Variants in NTRK1 observed in about 807,000 individuals in gnomAD.
NTRK1 encodes the protein high affinity nerve growth factor receptor.
NTRK1 carries 62 observed loss-of-function variants against 86.8 expected under a neutral mutation model. That is an observed-to-expected ratio of 0.71 (90% CI 0.58 to 0.88). The LOEUF (loss-of-function observed/expected upper bound fraction) is 0.88. Ranked by LOEUF, NTRK1 falls within the 40% of genes least tolerant of loss-of-function variation. The pLI, the probability that NTRK1 is intolerant of heterozygous loss-of-function variation, is 0.00. For missense variants in NTRK1, 967 were observed against 1,078.4 expected, an observed-to-expected ratio of 0.90 and a Z score of 1.45; for synonymous variants, 469 against 456.6, an observed-to-expected ratio of 1.03 and a Z score of -0.35.
rs550996068 is a variant in NTRK1, at chr1:156,845,716, G to A, written c.50+3523G>A. On this transcript the variant is annotated intron_variant, in intron 2 of 16. Coordinates refer to the NTRK1 transcript ENST00000392302. Reference sequence around the variant, plus strand: ...GGGGGCAGAACCTGACCAGGAGGTGGGTGCTGGCAAGGGCAGCAGTCGGAC... The same window carrying A: ...GGGGGCAGAACCTGACCAGGAGGTGAGTGCTGGCAAGGGCAGCAGTCGGAC... 8.1e-6 allele frequency: 13 copies of A among 1,613,650 alleles called. No homozygotes were observed. The Admixed American group carries it at 1.3e-4, about 17-fold the overall frequency.
intron 1 of NTRK1, among the ~76,000 whole-genome samples, chr1:156,838,910 T>C (rs905102613): frequency 2.6e-5 from 4 of 152,248 alleles, no homozygotes; most frequent in African/African-American, 9.6e-5. Context: ...CAGGCATGCC[T>C]GTGTGCTCTG....
chr1:156,878,971 T>G, intron 14 of NTRK1, 151 bp from the exon 15 acceptor site: 1 of 884,074 alleles, frequency 1.1e-6, no homozygotes, highest in Non-Finnish European at 1.7e-6. Context: ...ATCCCACCCC[T>G]CTGGACAGCT....
chr1:156,841,855 G>C (rs750560859), intron 1 of NTRK1: 1 of 1,612,830 alleles, frequency 6.2e-7, no homozygotes, highest in Non-Finnish European at 8.5e-7. Flanking sequence ...ACTAGCTCCT[G>C]CCCCTGGGAT....
intron 10 of NTRK1, 114 bp from the exon 11 acceptor site, chr1:156,874,792 A>G (rs2102911301): frequency 4.3e-6 from 5 of 1,160,866 alleles, no homozygotes; most frequent in South Asian, 2.5e-5. Flanking sequence ...AGGATGAGGC[A>G]GGTCTGGAGA....
Position 156,868,497 on chromosome 1 carries a change from G to A in NTRK1, c.575-8G>A. ...ACCCCTTGGCCCTCGGGCGTCCTGG[G>A]TGGCCAGGTGTGCCCACGCTGAAGG... On this transcript the variant is annotated splice_region_variant and splice_polypyrimidine_tract_variant and intron_variant, in intron 5 of 16. Coordinates refer to ENST00000524377, the MANE Select transcript of NTRK1 (RefSeq NM_002529.4). 1 of 1,556,244 alleles carries A rather than the reference G, an allele frequency of 6.4e-7. No individual in the cohort carries two copies. The highest frequency in any genetic ancestry group is 8.7e-7 in the Non-Finnish European group (1 of 1,149,928).
At position 156,860,903 on chromosome 1, in the gene NTRK1, T is replaced by G. The variant is rs763629744; in HGVS notation, c.-32T>G. On this transcript the variant is annotated 5_prime_UTR_variant, in exon 1 of 17. Coordinates refer to ENST00000524377, the MANE Select transcript of NTRK1 (RefSeq NM_002529.4). Reference sequence around the variant, plus strand: ...CTGCAGCTGGGAGCGCACAGACGGCTGCCCCGCCTGAGCGAGGCGGGCGCC... The same window carrying G: ...CTGCAGCTGGGAGCGCACAGACGGCGGCCCCGCCTGAGCGAGGCGGGCGCC... 2.1e-5 allele frequency: 30 copies of G among 1,424,434 alleles called. 1 individual carries two copies. In the South Asian group the frequency reaches 4.5e-4, roughly 21 times the overall value. 88.2% of individuals were successfully genotyped at this position (1,424,434 alleles called of 1,614,324 possible).
At chr1:156,833,602 G>A (rs1203936670) in intron 1 of NTRK1, among the ~76,000 whole-genome samples, 2 of 152,116 alleles carry the variant, frequency 1.3e-5, no homozygotes, top group East Asian at 3.9e-4. Flanking sequence ...TAGACATGTG[G>A]TAGGTGCTCA....
In NTRK1 at chr1:156,854,374, T is replaced by C; in HGVS notation, c.51-9980T>C. The C allele has an allele frequency of 7.0e-7, 1 of 1,433,810 alleles. No homozygotes were observed. The highest frequency in any genetic ancestry group is 1.3e-5 in the South Asian group (1 of 74,510). 88.8% of individuals were successfully genotyped at this position (1,433,810 alleles called of 1,614,324 possible). A position where few individuals can be genotyped will look rare whatever the true frequency, so the allele number is the denominator to read the frequency against. On this transcript the variant is annotated intron_variant, in intron 2 of 16. Transcript: ENST00000392302. The surrounding 1 kb of genome is among the most constrained non-coding windows in gnomAD (Gnocchi z 4.2). Reference sequence around the variant, plus strand: ...ATTCCCCATCCAGCCCTGGCAGCTTTGGAGGGGAGCCACACTGGCAGTAGG... The same window carrying C: ...ATTCCCCATCCAGCCCTGGCAGCTTCGGAGGGGAGCCACACTGGCAGTAGG...
At chr1:156,875,893 T>G in intron 12 of NTRK1, 187 bp from the exon 13 acceptor site, 1 of 1,104,552 alleles carries the variant, frequency 9.1e-7, no homozygotes, top group Non-Finnish European at 1.3e-6. Context: ...CCATGTCCTC[T>G]CGGGGCAGGT....
chr1:156,875,089 TGG>T, intron 11 of NTRK1, 81 bp downstream of exon 11: 1 of 1,043,552 alleles, frequency 9.6e-7, no homozygotes, highest in South Asian at 1.3e-5. Context: ...ACTCTGTCTC[TGG>T]GGGGCTGTGC....
upstream of NTRK1, among the ~76,000 whole-genome samples, chr1:156,857,932 T>C (rs1655467428): frequency 6.6e-6 from 1 of 150,870 alleles, no homozygotes; most frequent in Non-Finnish European, 1.5e-5. Context: ...ACCCCTCCTC[T>C]CTAAAACGTA....
Position 156,850,534 on chromosome 1 carries a change from CTTTTTTTTTTTTTTTTTT to C in NTRK1, c.50+8355_50+8372del, listed in dbSNP as rs35237064. On this transcript the variant is annotated intron_variant, in intron 2 of 16. Transcript: ENST00000392302. ...GACCTGGATGGTAATTTAAAACATTCTTTTTTTTTTTTTTTTTTTTTTTTTTTTTTTGAGATGGAGTCC... is the reference window on the plus strand; with the variant it reads ...GACCTGGATGGTAATTTAAAACATTCTTTTTTTTTTTTTGAGATGGAGTCC... 1.2e-4 allele frequency among the ~76,000 whole-genome samples: 7 copies of C among 58,618 alleles called. No homozygotes were observed. The Admixed American group carries it at 1.3e-3, about 11-fold the overall frequency. The allele number at this position is 58,618 out of a possible 152,430, so 38.5% of individuals were successfully genotyped here.
upstream of NTRK1, among the ~76,000 whole-genome samples, chr1:156,856,436 T>C (rs1223253575): frequency 6.6e-6 from 1 of 152,198 alleles, no homozygotes; most frequent in Non-Finnish European, 1.5e-5. Flanking sequence ...ATTCCATTGC[T>C]AAAGATTCAA....
chr1:156,831,148 A>G (rs1414881842), intron 1 of NTRK1, among the ~76,000 whole-genome samples: 1 of 152,188 alleles, frequency 6.6e-6, no homozygotes, highest in Non-Finnish European at 1.5e-5. Context: ...GTCTGGGGGC[A>G]TCTGGGCTGG....
At chr1:156,881,124 C>T (rs1009758984) in intron 16 of NTRK1, among the ~76,000 whole-genome samples, 1 of 152,170 alleles carries the variant, frequency 6.6e-6, no homozygotes, top group South Asian at 2.1e-4. Context: ...CTTTCAGCCC[C>T]CAACACTAAG....
chr1:156,874,982 G>A lies in NTRK1; in HGVS notation c.1328G>A (p.Gly443Glu), dbSNP rs2102912315. 1 of 1,613,972 alleles carries A rather than the reference G, an allele frequency of 6.2e-7. No homozygotes were observed. The highest frequency in any genetic ancestry group is 8.5e-7 in the Non-Finnish European group (1 of 1,179,906). Reference sequence around the variant, plus strand: ...CTGCTCCTTGTGCTCAACAAATGTGGACGGAGAAACAAGTTTGGGATCAAC... The same window carrying A: ...CTGCTCCTTGTGCTCAACAAATGTGAACGGAGAAACAAGTTTGGGATCAAC... The part of the protein sequence containing the change: ...STLLLVLNKC[G>E]RRNKFGINRP... The change falls in exon 11 of 17, where the codon GGA becomes GAA. Residue 443 changes from glycine (G) to glutamate (E), a missense_variant. Gly to Glu is a moderately conservative substitution (Grantham distance 98, BLOSUM62 -2). This residue lies in a region of NTRK1 where 637 missense variants were observed against 776.5 expected (regional missense o/e 0.82). Coordinates refer to ENST00000524377, the MANE Select transcript of NTRK1 (RefSeq NM_002529.4).
chr1:156,854,725 G>A lies in NTRK1; in HGVS notation c.51-9629G>A, dbSNP rs188809241. On this transcript the variant is annotated intron_variant, in intron 2 of 16. Transcript: ENST00000392302. This position sits in a 1 kb window ranked among gnomAD's most constrained non-coding sequence, Gnocchi z 4.2. ...TGAACTGCTTGTCAACACCTTCACAGCTTCCACCATCATCTTCCCCTGGAT... is the reference window on the plus strand; with the variant it reads ...TGAACTGCTTGTCAACACCTTCACAACTTCCACCATCATCTTCCCCTGGAT... 3.9e-5 allele frequency among the ~76,000 whole-genome samples: 6 copies of A among 152,144 alleles called. No homozygotes were observed. Among genetic ancestry groups the A allele is most frequent in the African/African-American group, 1.4e-4 (6 of 41,490 alleles).
intron 11 of NTRK1, 149 bp from the exon 12 acceptor site, chr1:156,875,371 C>T (rs1647837277): frequency 1.9e-6 from 2 of 1,075,780 alleles, no homozygotes; most frequent in Non-Finnish European, 2.8e-6. Flanking sequence ...CGGTGGTGCC[C>T]CCTTCCCCCT....
In NTRK1 at chr1:156,876,650, C is replaced by T. The variant is rs1647938978; in HGVS notation, c.1805+78C>T. 2.7e-6 allele frequency: 4 copies of T among 1,507,730 alleles called. No individual in the cohort carries two copies. In the South Asian group the frequency reaches 3.6e-5, roughly 14 times the overall value. The allele number at this position is 1,507,730 out of a possible 1,614,324, so 93.4% of individuals were successfully genotyped here. On this transcript the variant is annotated intron_variant, in intron 14 of 16. Transcript: ENST00000524377. The stretch of plus-strand genomic sequence containing the variant: ...CTTCCCTTCCCTATAGACATCCCTG[C>T]TTGTCTTTCAAACCAAGGGGAGACA...
Sources: allele counts gnomAD v4.1 joint callset (sites outside exome capture counted in the v4.1 genomes callset), GRCh38; gene constraint gnomAD v4.1.1; regional missense constraint gnomAD v4.1.1; non-coding constraint Gnocchi (gnomAD v3.1); transcripts MANE v1.5; gene names NCBI Gene and HGNC (gene_info 2026-07-23, HGNC 2026-07-21).